Variants in TEX13C observed in about 807,000 individuals in gnomAD.
The protein encoded by TEX13C is testis-expressed protein 13C.
For synonymous variants in TEX13C, 219 were observed against 116.6 expected (o/e 1.88, Z -5.65); for missense variants, 480 against 298.7 (o/e 1.61, Z -4.47).
exon 1 of TEX13C, chrX:125,320,794 A>C: frequency 1.9e-6 from 1 of 515,219 alleles, no homozygotes. Context: ...CTCTTCTGCT[A>C]ATGCAGGCAC....
At chrX:125,321,975 A>C in exon 1 of TEX13C, 2 of 407,115 alleles carry the variant, frequency 4.9e-6, no homozygotes, top group Admixed American at 6.6e-5. Context: ...GTGCCCCAGG[A>C]CACAGCTCCC....
chrX:125,325,179 T>G (rs916605157), exon 1 of TEX13C: 2 of 111,618 alleles, frequency 1.8e-5, no homozygotes, highest in African/African-American at 3.3e-5. Flanking sequence ...TCAGGGATTT[T>G]CTGGGCCTAA....
chrX:125,320,160 A>G (rs1354013489), exon 1 of TEX13C: 5 of 502,277 alleles, frequency 1.0e-5, no homozygotes, highest in Non-Finnish European at 1.8e-5. Flanking sequence ...GGGTTCCGCC[A>G]TGATGATGTG....
exon 1 of TEX13C, chrX:125,324,993 C>T (rs2018878214): frequency 8.9e-6 from 1 of 111,860 alleles, no homozygotes; most frequent in Admixed American, 9.4e-5. Context: ...CCAGGACCCC[C>T]ACCTCTCCCT....
At chrX:125,322,077 A>T (rs1445716118) in exon 1 of TEX13C, 2 of 472,607 alleles carry the variant, frequency 4.2e-6, no homozygotes, top group Non-Finnish European at 7.5e-6. Context: ...CTGAAGAAAG[A>T]TCCAGTGATG....
chrX:125,325,125 G>A (rs928272989), exon 1 of TEX13C: 1 of 111,435 alleles, frequency 9.0e-6, no homozygotes, highest in African/African-American at 3.3e-5. Flanking sequence ...ATGTCCTTGA[G>A]TTTCCCAATG....
exon 1 of TEX13C, chrX:125,324,173 G>T (rs2018871938): frequency 9.0e-6 from 1 of 111,367 alleles, no homozygotes; most frequent in Non-Finnish European, 1.9e-5. Flanking sequence ...TGTTTTGGGA[G>T]CTAGACTTGT....
At chrX:125,320,958 C>T (rs1319837066) in exon 1 of TEX13C, 2 of 514,002 alleles carry the variant, frequency 3.9e-6, no homozygotes, top group African/African-American at 2.3e-5. Flanking sequence ...ACAGTGGGAT[C>T]CCAGGAGGAG....
rs764320471 is a variant in TEX13C at position 125,321,507 on chromosome X, T to C, written c.1388T>C (p.Leu463Pro). Reference sequence around the variant, plus strand: ...CTGGGGGACAGCAACAGCCATAGCCTGAAGAAAGATCCAGTGGTGGCCCAG... The same window carrying C: ...CTGGGGGACAGCAACAGCCATAGCCCGAAGAAAGATCCAGTGGTGGCCCAG... Residue 463 changes from leucine to proline, a missense_variant, in exon 1 of 1, where the codon CTG becomes CCG. By Grantham distance (98) the Leu-to-Pro change is moderately conservative (BLOSUM62 -3). Coordinates refer to ENST00000632600, the Ensembl canonical transcript of TEX13C. 49 of 507,816 alleles carry C rather than the reference T, an allele frequency of 9.6e-5. No homozygotes were observed. In the East Asian group the frequency reaches 1.7e-3, roughly 17 times the overall value. The allele number at this position is 507,816 out of a possible 1,213,427, so 41.8% of individuals were successfully genotyped here. A position where few individuals can be genotyped will look rare whatever the true frequency, so the allele number is the denominator to read the frequency against.
chrX:125,320,610 C>A, exon 1 of TEX13C: 1 of 515,640 alleles, frequency 1.9e-6, no homozygotes, highest in Non-Finnish European at 3.5e-6. Flanking sequence ...GATTTTGTAC[C>A]CGGTCCAGAA....
chrX:125,323,805 T>A (rs778787430), exon 1 of TEX13C: 1 of 112,034 alleles, frequency 8.9e-6, no homozygotes, highest in African/African-American at 3.2e-5. Flanking sequence ...CCACAAGAAG[T>A]AACACCTCAA....
exon 1 of TEX13C, chrX:125,324,067 G>C (rs932843705): frequency 8.9e-6 from 1 of 112,040 alleles, no homozygotes; most frequent in African/African-American, 3.2e-5. Flanking sequence ...GAAGTTTAGG[G>C]AAAGAGTTTA....
At chrX:125,323,087 G>A (rs867098289) in exon 1 of TEX13C, 25 of 508,522 alleles carry the variant, frequency 4.9e-5, no homozygotes, top group Admixed American at 3.0e-4. Context: ...GAATGGCAGC[G>A]TTGACCCAGC....
chrX:125,323,387 A>AT (rs1436989905), exon 1 of TEX13C: 1 of 172,567 alleles, frequency 5.8e-6, no homozygotes, highest in African/African-American at 3.1e-5. Flanking sequence ...TCAGTCTTTA[A>AT]TTAGGGGATT....
At chrX:125,322,130 C>A (rs1274932017) in exon 1 of TEX13C, 1 of 486,736 alleles carries the variant, frequency 2.1e-6, no homozygotes, top group African/African-American at 2.9e-5. Flanking sequence ...CAGCCATAGC[C>A]TGAAGAAAGA....
rs149902496 is a variant in TEX13C at position 125,324,334 on chromosome X, T to G, written c.*1233T>G. The stretch of plus-strand genomic sequence containing the variant: ...TTGGATAAAACCAATTGAAGTAACA[T>G]CCAGATCCATTTCTGTGGTTCTGGG... On this transcript the variant is annotated 3_prime_UTR_variant, in exon 1 of 1. Transcript: ENST00000632600. 1.0e-3 allele frequency: 114 copies of G among 111,953 alleles called. 1 individual carries two copies. The highest frequency in any genetic ancestry group is 3.7e-3 in the African/African-American group (113 of 30,783). The allele number at this position is 111,953 out of a possible 1,213,427, so 9.2% of individuals were successfully genotyped here. A position where few individuals can be genotyped will look rare whatever the true frequency, so the allele number is the denominator to read the frequency against.
At chrX:125,323,551 A>G (rs1041570613) in exon 1 of TEX13C, 2 of 112,443 alleles carry the variant, frequency 1.8e-5, no homozygotes, top group East Asian at 5.6e-4. Flanking sequence ...CCTTTTCCTG[A>G]AAATGCCATG....
At chrX:125,320,380 G>C in exon 1 of TEX13C, 1 of 516,031 alleles carries the variant, frequency 1.9e-6, no homozygotes, top group East Asian at 3.6e-5. Context: ...AGGAGCTGCT[G>C]TACCAGGTTT....
chrX:125,320,177 T>C, exon 1 of TEX13C: 1 of 512,108 alleles, frequency 2.0e-6, no homozygotes, highest in Non-Finnish European at 3.5e-6. Flanking sequence ...TGTGATCAGG[T>C]TCATCAACAA....
Sources: gnomAD v4.1 joint callset for allele counts on GRCh38, gnomAD v4.1.1 for gene constraint, MANE v1.5 for transcripts, NCBI Gene and HGNC (gene_info 2026-07-23, HGNC 2026-07-21) for gene names.